CDK11A: variants seen among roughly 807,000 people sequenced by gnomAD.
CDK11A encodes cyclin-dependent kinase 11A.
In CDK11A, 55 loss-of-function variants were observed where a neutral mutation model predicts 83.6. The observed-to-expected ratio is 0.66, with a 90% CI of 0.53 to 0.82. The LOEUF (loss-of-function observed/expected upper bound fraction) is 0.82, where lower values mean the gene tolerates loss of function less well. Ranked by LOEUF, CDK11A falls within the 40% of genes least tolerant of loss-of-function variation. The pLI, the probability that CDK11A is intolerant of heterozygous loss-of-function variation, is 0.00. For missense variants in CDK11A, 564 were observed against 810.1 expected, an observed-to-expected ratio of 0.70 and a Z score of 3.69; for synonymous variants, 247 against 302.7, an observed-to-expected ratio of 0.82 and a Z score of 1.91.
At chr1:1,719,251 T>G (rs557920252) in intron 4 of CDK11A, 77 bp downstream of exon 4, 1 of 1,295,008 alleles carries the variant, frequency 7.7e-7, no homozygotes, top group East Asian at 2.8e-5. Context: ...AGTGGTGCTC[T>G]GGGGAAGGCA....
chr1:1,704,435 T>A (rs1274847338), intron 14 of CDK11A, 91 bp from the exon 15 acceptor site: 1 of 1,555,482 alleles, frequency 6.4e-7, no homozygotes, highest in Non-Finnish European at 8.7e-7. Context: ...AACAGAGGCT[T>A]CTCAGGGCTT....
In CDK11A at chr1:1,704,296, A is replaced by G. The variant is rs772461086; in HGVS notation, c.1613T>C (p.Leu538Pro). The G allele has an allele frequency of 6.2e-7, 1 of 1,607,774 alleles. No individual in the cohort carries two copies. The highest frequency in any genetic ancestry group is 8.5e-7 in the Non-Finnish European group (1 of 1,176,206). The change falls in exon 15 of 20, where the codon CTG becomes CCG. Residue 538 changes from leucine to proline, a missense_variant. By Grantham distance (98) the Leu-to-Pro change is moderately conservative. Transcript: ENST00000404249. ...ACGGTGCAGGATCCAGTTGTCGTGC[A>G]GGTGTTTCACCCCCCGCAGCAGCTG... ...MIQLLRGVKHLHDNWILHRDL... is the reference protein window; with the variant it reads ...MIQLLRGVKHPHDNWILHRDL...
chr1:1,717,728 T>C (rs1281647787), intron 4 of CDK11A, among the ~76,000 whole-genome samples: 2 of 143,546 alleles, frequency 1.4e-5, no homozygotes, highest in Non-Finnish European at 3.1e-5. Context: ...GAGTATCCTC[T>C]CTATAGCCCC....
Position 1,704,667 on chromosome 1 carries a change from G to A in CDK11A, c.1459-12C>T, listed in dbSNP as rs768676572. On this transcript the variant is annotated splice_polypyrimidine_tract_variant and intron_variant, in intron 13 of 19. Coordinates refer to ENST00000404249, the MANE Select transcript of CDK11A (RefSeq NM_024011.4). ...CCCACCACAATCTCCTGCAGGGCACGGCTCTGTGGGTGCTGGGCACCTCCA... is the reference window on the plus strand; with the variant it reads ...CCCACCACAATCTCCTGCAGGGCACAGCTCTGTGGGTGCTGGGCACCTCCA... The A allele has an allele frequency of 1.5e-5, 24 of 1,595,648 alleles. No homozygotes were observed. The highest frequency in any genetic ancestry group is 6.8e-5 in the East Asian group (3 of 44,178).
chr1:1,704,454 G>A (rs1570372254), intron 14 of CDK11A, 96 bp downstream of exon 14: 2 of 1,538,648 alleles, frequency 1.3e-6, no homozygotes, highest in East Asian at 4.8e-5. Context: ...TTTCCCTGTG[G>A]ATGCAGCTGG....
chr1:1,710,613 G>A (rs1300221329), intron 6 of CDK11A, among the ~76,000 whole-genome samples: 5 of 148,260 alleles, frequency 3.4e-5, no homozygotes, highest in African/African-American at 9.8e-5. Flanking sequence ...CATTCAGAGG[G>A]GAAAAAAAGA....
intron 10 of CDK11A, among the ~76,000 whole-genome samples, 167 bp downstream of exon 10, chr1:1,708,013 C>T (rs1324848744): frequency 3.4e-5 from 5 of 146,918 alleles, no homozygotes; most frequent in Non-Finnish European, 6.0e-5. Context: ...CACTGTGCCT[C>T]GCTGAGGAAT....
At chr1:1,722,681 C>G (rs1570445701) in intron 2 of CDK11A, 27 bp downstream of exon 2, 1 of 1,549,658 alleles carries the variant, frequency 6.5e-7, no homozygotes, top group East Asian at 2.3e-5. Flanking sequence ...TTTAAGAAAA[C>G]CACTTACTTA....
At chr1:1,722,179 C>T (rs924656784) in intron 2 of CDK11A, among the ~76,000 whole-genome samples, 2 of 151,016 alleles carry the variant, frequency 1.3e-5, no homozygotes, top group African/African-American at 4.9e-5. Flanking sequence ...TGCTACAAAC[C>T]TTTAATTTGG....
In CDK11A at chr1:1,722,751, CTTCGT is replaced by C. The variant is rs765743895; in HGVS notation, c.63_67del (p.Arg22GlufsTer16). The C allele has an allele frequency of 9.4e-6, 14 of 1,489,526 alleles. No individual in the cohort carries two copies. The highest frequency in any genetic ancestry group is 7.5e-5 in the South Asian group (6 of 79,664). 92.3% of individuals were successfully genotyped at this position (1,489,526 alleles called of 1,614,324 possible). Reference sequence around the variant, plus strand: ...CTCTGCTTTCTCCTCTTGTTCCTTCCTTCGTTTCTTTTCCTGAAGAATTTCATCTA... The same window carrying C: ...CTCTGCTTTCTCCTCTTGTTCCTTCCTTCTTTTCCTGAAGAATTTCATCTA... On this transcript the variant is annotated frameshift_variant, in exon 2 of 20. Transcript: ENST00000404249. LOFTEE classifies it high-confidence loss of function.
At chr1:1,714,955 G>A (rs1347522411) in intron 5 of CDK11A, among the ~76,000 whole-genome samples, 1 of 150,296 alleles carries the variant, frequency 6.7e-6, no homozygotes, top group African/African-American at 2.4e-5. Flanking sequence ...CTCCACTGAG[G>A]ATGCTGGTGG....
At chr1:1,715,487 C>T (rs1381694952) in intron 5 of CDK11A, among the ~76,000 whole-genome samples, 2 of 149,378 alleles carry the variant, frequency 1.3e-5, no homozygotes, top group African/African-American at 2.4e-5. Context: ...GCGTGGCATA[C>T]ATGAATGTTT....
At chr1:1,722,477 C>G (rs1644943358) in intron 2 of CDK11A, 1 of 631,820 alleles carries the variant, frequency 1.6e-6, no homozygotes, top group African/African-American at 1.6e-5. Context: ...TTGCTAATGA[C>G]TTAACATTCA....
intron 3 of CDK11A, among the ~76,000 whole-genome samples, chr1:1,721,334 T>G (rs1222017180): frequency 1.3e-5 from 2 of 150,162 alleles, no homozygotes; most frequent in Non-Finnish European, 3.0e-5. Context: ...TAAACCTCAA[T>G]AGTTAAAACA....
At chr1:1,718,138 C>G (rs1644749233) in intron 4 of CDK11A, among the ~76,000 whole-genome samples, 1 of 147,418 alleles carries the variant, frequency 6.8e-6, no homozygotes, top group African/African-American at 2.5e-5. Flanking sequence ...CACACGCATG[C>G]TTTCAGCTAG....
chr1:1,719,545 G>A (rs1475874541), intron 3 of CDK11A, 90 bp from the exon 4 acceptor site: 4 of 1,036,784 alleles, frequency 3.9e-6, no homozygotes, highest in Non-Finnish European at 5.2e-6. Context: ...CCAGAAAAAT[G>A]CATGATTCAG....
At position 1,708,176 on chromosome 1, in the gene CDK11A, T is replaced by G; in HGVS notation, c.1069+4A>C. The G allele has an allele frequency of 1.3e-6, 2 of 1,530,828 alleles. No individual in the cohort carries two copies. 94.8% of individuals were successfully genotyped at this position (1,530,828 alleles called of 1,614,324 possible). On this transcript the variant is annotated splice_donor_region_variant and intron_variant, in intron 10 of 19. Transcript: ENST00000404249. ...GGGGGCTCTGTCTCCAGGGAGGTTC[T>G]TACCAACCAAGAGGTGGTTTTCATT...
At position 1,703,192 on chromosome 1, in the gene CDK11A, AG is replaced by A. The variant is rs1395998725; in HGVS notation, c.2137del (p.Leu713SerfsTer20). On this transcript the variant is annotated frameshift_variant, in exon 19 of 20. Transcript: ENST00000404249. LOFTEE classifies it high-confidence loss of function. ...LKHEYFRETP[L>X]PIDPSMFPTW... Reference sequence around the variant, plus strand: ...GGGGAACATGGAGGGGTCGATGGGGAGGGGGGTCTCGCGGAAATACTCATGC... The same window carrying A: ...GGGGAACATGGAGGGGTCGATGGGGAGGGGGTCTCGCGGAAATACTCATGC... 2.4e-6 allele frequency: 1 copy of A among 420,316 alleles called. No individual in the cohort carries two copies. Among genetic ancestry groups the A allele is most frequent in the Non-Finnish European group, 3.9e-6 (1 of 253,640 alleles). The allele number at this position is 420,316 out of a possible 1,614,324, so 26.0% of individuals were successfully genotyped here. A position where few individuals can be genotyped will look rare whatever the true frequency, so the allele number is the denominator to read the frequency against.
chr1:1,719,638 C>T (rs1355209216), intron 3 of CDK11A, among the ~76,000 whole-genome samples, 183 bp from the exon 4 acceptor site: 1 of 137,302 alleles, frequency 7.3e-6, no homozygotes, highest in African/African-American at 2.8e-5. Flanking sequence ...TTTTTTTAGA[C>T]GGAGTCTCGC....
Sources: gnomAD v4.1 joint callset for allele counts (sites outside exome capture counted in the v4.1 genomes callset) on GRCh38, gnomAD v4.1.1 for gene constraint, MANE v1.5 for transcripts, NCBI Gene and HGNC (gene_info 2026-07-23, HGNC 2026-07-21) for gene names.